The following ERICH6B variants were observed in gnomAD, a reference collection of about 807,000 sequenced individuals.
ERICH6B encodes the protein glutamate-rich protein 6B.
ERICH6B carries 69 observed loss-of-function variants against 80.0 expected under a neutral mutation model. The observed-to-expected ratio is 0.86, with a 90% CI of 0.71 to 1.05. The LOEUF is 1.05. Among genes scored for constraint, ERICH6B ranks in the 50% least tolerant of loss-of-function variants. ERICH6B has a pLI of 0.00. For synonymous variants in ERICH6B, 283 were observed against 291.9 expected, an observed-to-expected ratio of 0.97 and a Z score of 0.31; for missense variants, 754 against 796.1, an observed-to-expected ratio of 0.95 and a Z score of 0.64.
At chr13:45,601,092 T>C (rs1949824349) in intron 2 of ERICH6B, among the ~76,000 whole-genome samples, 1 of 152,160 alleles carries the variant, frequency 6.6e-6, no homozygotes, top group South Asian at 2.1e-4. Flanking sequence ...TAATTTCCCA[T>C]CTACCCTGAC....
intron 11 of ERICH6B, 105 bp downstream of exon 11, chr13:45,561,264 A>G: frequency 8.5e-7 from 1 of 1,172,874 alleles, no homozygotes; most frequent in South Asian, 1.7e-5. Context: ...TTGTGTTTAC[A>G]TTGTGTGTTG....
chr13:45,601,784 G>A (rs1197218208), intron 2 of ERICH6B, among the ~76,000 whole-genome samples: 1 of 152,172 alleles, frequency 6.6e-6, no homozygotes, highest in African/African-American at 2.4e-5. Context: ...CAAGCCTACA[G>A]GTGGAATAAA....
At chr13:45,606,571 G>T (rs868605916) in intron 2 of ERICH6B, among the ~76,000 whole-genome samples, 32 of 34,942 alleles carry the variant, frequency 9.2e-4, no homozygotes, top group South Asian at 3.4e-3. Context: ...TTTTTTTTTT[G>T]GAGACAGAGT....
intron 2 of ERICH6B, among the ~76,000 whole-genome samples, chr13:45,598,794 C>T (rs548129669): frequency 6.6e-6 from 1 of 152,300 alleles, no homozygotes; most frequent in Admixed American, 6.5e-5. Context: ...CCCCCAGCTG[C>T]CAGCTCCTTC....
At chr13:45,584,809 C>T (rs146032577) in intron 5 of ERICH6B, among the ~76,000 whole-genome samples, 6 of 152,296 alleles carry the variant, frequency 3.9e-5, no homozygotes, top group African/African-American at 9.6e-5. Flanking sequence ...AGTGACCAGG[C>T]GGCTTCTTCC....
intron 4 of ERICH6B, among the ~76,000 whole-genome samples, chr13:45,588,357 C>T (rs1275433197): frequency 6.6e-6 from 1 of 152,168 alleles, no homozygotes; most frequent in Non-Finnish European, 1.5e-5. Flanking sequence ...CAGCTAAGTT[C>T]TTAGGATACA....
intron 13 of ERICH6B, 31 bp downstream of exon 13, chr13:45,549,862 G>A: frequency 1.3e-6 from 2 of 1,541,148 alleles, no homozygotes; most frequent in Non-Finnish European, 1.7e-6. Flanking sequence ...TCCATGGGCA[G>A]GAGTGTTAGG....
intron 11 of ERICH6B, chr13:45,551,589 G>T (rs1404353101): frequency 6.6e-6 from 1 of 152,278 alleles, no homozygotes; most frequent in East Asian, 1.9e-4. Flanking sequence ...CATTCAGGGT[G>T]ATATGGCTGT....
At chr13:45,552,282 A>C (rs2137964695) in intron 11 of ERICH6B, among the ~76,000 whole-genome samples, 1 of 152,278 alleles carries the variant, frequency 6.6e-6, no homozygotes, top group East Asian at 1.9e-4. Flanking sequence ...GTGCTTGGAA[A>C]GGGTGTGTGT....
chr13:45,560,719 C>A (rs1874637058), intron 11 of ERICH6B, among the ~76,000 whole-genome samples: 2 of 152,110 alleles, frequency 1.3e-5, no homozygotes, highest in African/African-American at 2.4e-5. Context: ...AATATGTAAC[C>A]TTTTCAGATT....
At chr13:45,579,809 C>G in intron 7 of ERICH6B, 124 bp downstream of exon 7, 1 of 885,820 alleles carries the variant, frequency 1.1e-6, no homozygotes, top group East Asian at 2.7e-5. Flanking sequence ...GGATGCCCCT[C>G]AGTCCCCTCT....
At chr13:45,557,138 G>C (rs578100906) in intron 11 of ERICH6B, among the ~76,000 whole-genome samples, 1 of 152,174 alleles carries the variant, frequency 6.6e-6, no homozygotes, top group Non-Finnish European at 1.5e-5. Context: ...CATTCTTGCA[G>C]GAGTAAGGTG....
At chr13:45,595,058 T>G (rs902762720) in intron 3 of ERICH6B, among the ~76,000 whole-genome samples, 2 of 152,162 alleles carry the variant, frequency 1.3e-5, no homozygotes, top group Non-Finnish European at 2.9e-5. Context: ...AGCCCTTGGA[T>G]GAGAAAAATC....
chr13:45,547,790 T>A (rs1428709472), intron 13 of ERICH6B, among the ~76,000 whole-genome samples: 1 of 152,176 alleles, frequency 6.6e-6, no homozygotes, highest in African/African-American at 2.4e-5. Flanking sequence ...TTTGCTGCTA[T>A]GTTTGGTGAT....
chr13:45,545,378 T>G (rs1873954116), intron 13 of ERICH6B, among the ~76,000 whole-genome samples: 1 of 152,240 alleles, frequency 6.6e-6, no homozygotes, highest in African/African-American at 2.4e-5. Context: ...TACGGGACTC[T>G]GTTGCCATGC....
At chr13:45,612,396 A>G (rs1223189421) in intron 1 of ERICH6B, among the ~76,000 whole-genome samples, 2 of 152,230 alleles carry the variant, frequency 1.3e-5, no homozygotes, top group Admixed American at 6.5e-5. Flanking sequence ...CTAAAATACA[A>G]CATAGTATGA....
chr13:45,592,462 TG>T (rs1334760391), intron 3 of ERICH6B, among the ~76,000 whole-genome samples: 3 of 152,226 alleles, frequency 2.0e-5, no homozygotes, highest in Non-Finnish European at 4.4e-5. Context: ...CTGTTGGAAA[TG>T]GTAGTTGGGA....
intron 2 of ERICH6B, among the ~76,000 whole-genome samples, chr13:45,604,136 C>T (rs1430944018): frequency 6.6e-6 from 1 of 152,204 alleles, no homozygotes; most frequent in Non-Finnish European, 1.5e-5. Flanking sequence ...GATCATCTCT[C>T]ACAGTGCAGT....
At chr13:45,604,793 G>T in intron 2 of ERICH6B, among the ~76,000 whole-genome samples, 1 of 152,130 alleles carries the variant, frequency 6.6e-6, no homozygotes. Context: ...GGGCATGGTG[G>T]TGTGCACCTG....
Sources: allele counts gnomAD v4.1 joint callset (sites outside exome capture counted in the v4.1 genomes callset), GRCh38; gene constraint gnomAD v4.1.1; transcripts MANE v1.5; gene names NCBI Gene and HGNC (gene_info 2026-07-23, HGNC 2026-07-21).